The following SFI1 variants were observed in gnomAD, a reference collection of about 807,000 sequenced individuals.
The protein encoded by SFI1 is SFI1 centrin binding protein.
SFI1 carries 195 observed loss-of-function variants against 207.5 expected under a neutral mutation model. That is an observed-to-expected ratio of 0.94 (90% CI 0.84 to 1.06). The LOEUF is 1.06. SFI1 is among the 50% of genes least tolerant of loss of function. SFI1 has a pLI of 0.00. For missense variants in SFI1, 1,634 were observed against 1,588.0 expected (o/e 1.03, Z -0.49); for synonymous variants, 630 against 598.9 (o/e 1.05, Z -0.76).
intron 8 of SFI1, 75 bp downstream of exon 8, chr22:31,561,467 G>A: frequency 1.5e-6 from 2 of 1,303,490 alleles, no homozygotes; most frequent in Non-Finnish European, 1.1e-6. Context: ...GGGCAGTGCT[G>A]GGCCTTCCCT....
At chr22:31,539,688 T>C (rs1397615381) in intron 4 of SFI1, among the ~76,000 whole-genome samples, 1 of 152,080 alleles carries the variant, frequency 6.6e-6, no homozygotes, top group Non-Finnish European at 1.5e-5. Context: ...TCTGTTTATA[T>C]TTAAGAGCAG....
chr22:31,518,876 A>C (rs1159762346), intron 2 of SFI1, among the ~76,000 whole-genome samples: 1 of 152,174 alleles, frequency 6.6e-6, no homozygotes, highest in Non-Finnish European at 1.5e-5. Flanking sequence ...TGAGTCTCTA[A>C]TAAGCTTCAT....
At chr22:31,542,261 A>C (rs969556818) in intron 4 of SFI1, among the ~76,000 whole-genome samples, 2 of 151,444 alleles carry the variant, frequency 1.3e-5, no homozygotes, top group Non-Finnish European at 2.9e-5. Flanking sequence ...GCATACACAC[A>C]TGCTTGTTTA....
chr22:31,589,605 G>C (rs748483389), intron 15 of SFI1, 28 bp downstream of exon 15: 5 of 1,587,970 alleles, frequency 3.1e-6, no homozygotes, highest in African/African-American at 2.7e-5. Context: ...TGTCTGCACT[G>C]GGGCAGGTGT....
intron 14 of SFI1, among the ~76,000 whole-genome samples, chr22:31,586,692 A>G (rs562232376): frequency 6.6e-6 from 1 of 150,516 alleles, no homozygotes; most frequent in Non-Finnish European, 1.5e-5. Flanking sequence ...GAAAAAGACT[A>G]TGAGTGTCAG....
intron 3 of SFI1, among the ~76,000 whole-genome samples, chr22:31,529,898 T>G (rs1243948346): frequency 6.6e-6 from 1 of 151,596 alleles, no homozygotes; most frequent in Non-Finnish European, 1.5e-5. Context: ...TGGCCGGGTA[T>G]GGTGGCTCAC....
At chr22:31,537,423 T>A (rs989039245) in intron 4 of SFI1, among the ~76,000 whole-genome samples, 3 of 152,148 alleles carry the variant, frequency 2.0e-5, no homozygotes, top group Non-Finnish European at 2.9e-5. Context: ...GGCTTGGCAG[T>A]GGGTGTTGGG....
intron 2 of SFI1, 55 bp downstream of exon 2, chr22:31,508,431 C>G (rs1375226843): frequency 1.6e-6 from 2 of 1,281,556 alleles, no homozygotes; most frequent in African/African-American, 3.0e-5. Context: ...TCATATAAAA[C>G]TAAACATTTT....
intron 1 of SFI1, among the ~76,000 whole-genome samples, chr22:31,498,251 C>T (rs9609299): frequency 0.23 from 34,912 of 151,642 alleles, 4,761 homozygotes; most frequent in East Asian, 0.44. Flanking sequence ...GCCAAGATTG[C>T]GCCATTGCAC....
intron 28 of SFI1, 69 bp from the exon 29 acceptor site, chr22:31,614,979 C>G (rs2071144671): frequency 6.3e-7 from 1 of 1,579,336 alleles, no homozygotes; most frequent in African/African-American, 1.3e-5. Context: ...GGCCCCCTTT[C>G]CTTCTTGTTC....
At chr22:31,607,863 C>A in intron 21 of SFI1, 74 bp from the exon 22 acceptor site, 1 of 1,379,120 alleles carries the variant, frequency 7.3e-7, no homozygotes, top group Non-Finnish European at 1.0e-6. Flanking sequence ...CCAGGAGCCA[C>A]CGTCACAGAC....
intron 1 of SFI1, among the ~76,000 whole-genome samples, chr22:31,506,543 TCTC>T (rs947044308): frequency 6.6e-6 from 1 of 152,102 alleles, no homozygotes; most frequent in Non-Finnish European, 1.5e-5. Flanking sequence ...TGTGGCTCGC[TCTC>T]CTCTCAGTTT....
In SFI1 at chr22:31,613,696, C is replaced by A. The variant is rs1197655377; in HGVS notation, c.2837C>A (p.Ala946Asp). 4 of 1,611,976 alleles carry A rather than the reference C, an allele frequency of 2.5e-6. No individual in the cohort carries two copies. The African/African-American group carries it at 5.3e-5, about 22-fold the overall frequency. ...GGCGGGAAGCCTCAGCCCCTGGCAGCCATCGCACCCAGCAGGAAAGTGACG... is the reference window on the plus strand; with the variant it reads ...GGCGGGAAGCCTCAGCCCCTGGCAGACATCGCACCCAGCAGGAAAGTGACG... ...GRGGKPQPLA[A>D]IAPSRKVTFE... The change falls in exon 27 of 33, where the codon GCC becomes GAC. Residue 946 changes from alanine to aspartate, a missense_variant. By Grantham distance (126) the Ala-to-Asp change is moderately radical. Transcript: ENST00000400288.
intron 2 of SFI1, among the ~76,000 whole-genome samples, chr22:31,527,803 T>C (rs1297238488): frequency 2.6e-5 from 4 of 151,784 alleles, no homozygotes; most frequent in African/African-American, 9.7e-5. Context: ...AGTGAGACCC[T>C]GTCTCTAAAA....
At chr22:31,532,319 A>G (rs745923172) in intron 4 of SFI1, among the ~76,000 whole-genome samples, 2 of 152,126 alleles carry the variant, frequency 1.3e-5, no homozygotes, top group Non-Finnish European at 2.9e-5. Flanking sequence ...AGTGCTGCCC[A>G]TTGCTGTGGT....
In SFI1 at chr22:31,611,195, C is replaced by T. The variant is rs1421720058; in HGVS notation, c.2307C>T (p.Ala769=). The T allele has an allele frequency of 3.1e-6, 5 of 1,614,072 alleles. No individual in the cohort carries two copies. Among genetic ancestry groups the T allele is most frequent in the Non-Finnish European group, 4.2e-6 (5 of 1,180,034 alleles). ...QRWWDCSRRS[A]QQRLQLERAV... ...GGTGGGACTGCAGCCGGAGGTCAGC[C>T]CAGCAGAGACTGCAGCTGGAGAGGG... Residue 769 remains alanine, a synonymous_variant, in exon 23 of 33, where the codon GCC becomes GCT. Transcript: ENST00000400288.
At chr22:31,605,074 T>C (rs763760949) in intron 20 of SFI1, 129 bp downstream of exon 20, 55 of 753,164 alleles carry the variant, frequency 7.3e-5, no homozygotes, top group Non-Finnish European at 1.0e-4. Flanking sequence ...GCTAATATCA[T>C]GGTCTTGGCT....
intron 2 of SFI1, among the ~76,000 whole-genome samples, chr22:31,515,125 T>A (rs1429196152): frequency 2.0e-5 from 3 of 152,140 alleles, no homozygotes; most frequent in Non-Finnish European, 2.9e-5. Context: ...GGCTTTGGTA[T>A]CACACTTTGA....
chr22:31,606,247 GA>G, intron 20 of SFI1, 80 bp from the exon 21 acceptor site: 2 of 1,281,506 alleles, frequency 1.6e-6, no homozygotes, highest in South Asian at 2.4e-5. Flanking sequence ...AGTAGGGGAA[GA>G]AGTAGGAATG....
Sources: gnomAD v4.1 joint callset for allele counts (sites outside exome capture counted in the v4.1 genomes callset) on GRCh38, gnomAD v4.1.1 for gene constraint, MANE v1.5 for transcripts, NCBI Gene and HGNC (gene_info 2026-07-23, HGNC 2026-07-21) for gene names.